Variants in CA6 observed in about 807,000 individuals in gnomAD.
CA6 encodes the protein carbonic anhydrase 6.
CA6 carries 28 observed loss-of-function variants against 35.9 expected under a neutral mutation model. That is an observed-to-expected ratio of 0.78 (90% confidence interval 0.58 to 1.07). The LOEUF (loss-of-function observed/expected upper bound fraction) is 1.07. Ranked by LOEUF, CA6 falls within the 50% of genes least tolerant of loss-of-function variation. The probability of loss-of-function intolerance (pLI) is 0.00; values close to 1 mark genes in which losing one functional copy is unlikely to be tolerated. For synonymous variants in CA6, 148 were observed against 152.6 expected (o/e 0.97, Z 0.22); for missense variants, 377 against 382.0 (o/e 0.99, Z 0.11).
intron 3 of CA6, among the ~76,000 whole-genome samples, chr1:8,958,051 G>T (rs1210944337): frequency 6.6e-6 from 1 of 152,212 alleles, no homozygotes; most frequent in East Asian, 1.9e-4. Flanking sequence ...TCACCACTTT[G>T]TGACAGGGGT....
chr1:8,955,221 T>C (rs72860984), intron 2 of CA6, among the ~76,000 whole-genome samples: 9,351 of 152,094 alleles, frequency 0.061, 961 homozygotes, highest in African/African-American at 0.21. Context: ...CAAATAAACT[T>C]AAAAATTAGC....
At chr1:8,955,239 G>A (rs1301352878) in intron 2 of CA6, among the ~76,000 whole-genome samples, 1 of 152,158 alleles carries the variant, frequency 6.6e-6, no homozygotes, top group Non-Finnish European at 1.5e-5. Context: ...AGCTGGACAT[G>A]GTGGTGTGTG....
intron 2 of CA6, among the ~76,000 whole-genome samples, chr1:8,955,336 A>G (rs570048509): frequency 2.0e-5 from 3 of 152,290 alleles, no homozygotes; most frequent in Non-Finnish European, 4.4e-5. Context: ...AGGTCATGCC[A>G]CTGCACTCCA....
intron 6 of CA6, among the ~76,000 whole-genome samples, chr1:8,970,408 G>A (rs934213983): frequency 6.6e-6 from 1 of 152,118 alleles, no homozygotes; most frequent in African/African-American, 2.4e-5. Flanking sequence ...AATAATGCCT[G>A]AGACACAGCA....
intron 2 of CA6, chr1:8,951,767 G>T: frequency 1.4e-6 from 1 of 697,446 alleles, no homozygotes; most frequent in South Asian, 1.6e-5. Context: ...TCACACGACA[G>T]CATGTCGGAC....
intron 7 of CA6, among the ~76,000 whole-genome samples, chr1:8,973,736 CT>C (rs1488530647): frequency 0.054 from 1,163 of 21,672 alleles, 52 homozygotes; most frequent in African/African-American, 0.23. Context: ...TTCTTTCTTT[CT>C]TTCTTTCTTT....
chr1:8,957,376 T>C, intron 3 of CA6, 91 bp downstream of exon 3: 1 of 1,325,604 alleles, frequency 7.5e-7, no homozygotes, highest in East Asian at 2.4e-5. Context: ...AGTCTCGCTC[T>C]GTTGCCCCGG....
At chr1:8,968,947 C>T (rs550545737) in intron 6 of CA6, among the ~76,000 whole-genome samples, 2 of 151,116 alleles carry the variant, frequency 1.3e-5, no homozygotes, top group South Asian at 2.1e-4. Context: ...GAACCTGGGA[C>T]GTGGAGGTTG....
At position 8,967,749 on chromosome 1, in the gene CA6, C is replaced by T. The variant is rs750061032; in HGVS notation, c.662C>T (p.Thr221Met). ...HYYTYHGSLT[T>M]PPCTENVHWF... The stretch of plus-strand genomic sequence containing the variant: ...TACACCTACCATGGCTCACTCACCA[C>T]GCCTCCCTGCACTGAGAACGTCCAC... The change falls in exon 6 of 8, where the codon ACG becomes ATG. Residue 221 changes from threonine (T) to methionine (M), a missense_variant. By Grantham distance (81) the Thr-to-Met change is moderately conservative. Transcript: ENST00000377443. 1.2e-5 allele frequency: 20 copies of T among 1,613,958 alleles called. No homozygotes were observed. Among genetic ancestry groups the T allele is most frequent in the East Asian group, 4.5e-5 (2 of 44,892 alleles).
In CA6 at chr1:8,954,641, C is replaced by T. The variant is rs566083229; in HGVS notation, c.260-2496C>T. 4.6e-5 allele frequency among the ~76,000 whole-genome samples: 7 copies of T among 152,344 alleles called. No homozygotes were observed. In the South Asian group the frequency reaches 1.4e-3, roughly 32 times the overall value. On this transcript the variant is annotated intron_variant, in intron 2 of 7. Transcript: ENST00000377443. Reference sequence around the variant, plus strand: ...TTGAGATAGTATTAAGTCTTCCTATCTGTGAACATGGAATATTTCTCCACT... The same window carrying T: ...TTGAGATAGTATTAAGTCTTCCTATTTGTGAACATGGAATATTTCTCCACT...
rs764808355 is a variant in CA6, at chr1:8,973,777, T to TTTC, written c.845-842_845-840dup. 5.9e-4 allele frequency among the ~76,000 whole-genome samples: 30 copies of TTTC among 50,514 alleles called. 5 individuals carry two copies. Among genetic ancestry groups the TTTC allele is most frequent in the African/African-American group, 1.1e-3 (11 of 9,934 alleles). The allele number at this position is 50,514 out of a possible 152,430, so 33.1% of individuals were successfully genotyped here. The stretch of plus-strand genomic sequence containing the variant: ...CTTTCTTTCTTTCTTTCTTTCTTTC[T>TTTC]TTCTTTCTTTTCCCTCCCTCCCTCT... On this transcript the variant is annotated intron_variant, in intron 7 of 7. Coordinates refer to ENST00000377443, the MANE Select transcript of CA6 (RefSeq NM_001215.4).
At chr1:8,956,003 A>G (rs1639668382) in intron 2 of CA6, among the ~76,000 whole-genome samples, 1 of 152,144 alleles carries the variant, frequency 6.6e-6, no homozygotes, top group African/African-American at 2.4e-5. Context: ...AGGTTGGATC[A>G]CTTGAGGTCA....
chr1:8,969,017 C>CAA lies in CA6; in HGVS notation c.729+1213_729+1214dup, dbSNP rs200268685. ...TGGGCAACAGAGCAAAACCCTGTCT[C>CAA]AAAAAAAAAAAAAGTTTGCTGGGCA... is the stretch of plus-strand genomic sequence containing the variant. On this transcript the variant is annotated intron_variant, in intron 6 of 7. Transcript: ENST00000377443. 6.9e-4 allele frequency among the ~76,000 whole-genome samples: 95 copies of CAA among 137,974 alleles called. 1 individual carries two copies. The highest frequency in any genetic ancestry group is 2.4e-3 in the African/African-American group (89 of 37,650). The allele number at this position is 137,974 out of a possible 152,430, so 90.5% of individuals were successfully genotyped here. A position where few individuals can be genotyped will look rare whatever the true frequency, so the allele number is the denominator to read the frequency against.
intron 2 of CA6, among the ~76,000 whole-genome samples, chr1:8,956,848 T>A (rs1160862902): frequency 6.6e-6 from 1 of 152,206 alleles, no homozygotes; most frequent in Non-Finnish European, 1.5e-5. Context: ...CACTGTGTGG[T>A]CCTGCCTCTG....
At chr1:8,949,923 A>C (rs1639479767) in intron 2 of CA6, among the ~76,000 whole-genome samples, 1 of 152,138 alleles carries the variant, frequency 6.6e-6, no homozygotes, top group Admixed American at 6.5e-5. Flanking sequence ...AAGGTCAGAC[A>C]GAAAAAGCAG....
At position 8,949,421 on chromosome 1, in the gene CA6, A is replaced by G; in HGVS notation, c.238A>G (p.Met80Val). 6.2e-7 allele frequency: 1 copy of G among 1,612,846 alleles called. No individual in the cohort carries two copies. The highest frequency in any genetic ancestry group is 8.5e-7 in the Non-Finnish European group (1 of 1,179,390). ...TGAGACCCAGGCAGGGGAGTTCCCCATGGTCAACAATGGCCACACAGGTAA... is the reference window on the plus strand; with the variant it reads ...TGAGACCCAGGCAGGGGAGTTCCCCGTGGTCAACAATGGCCACACAGGTAA... ...GYETQAGEFP[M>V]VNNGHTVQIS... The change falls in exon 2 of 8, where the codon ATG (methionine) becomes GTG (valine). Residue 80 changes from methionine to valine, a missense_variant. Met to Val is a conservative substitution (Grantham distance 21, BLOSUM62 1). Coordinates refer to ENST00000377443, the MANE Select transcript of CA6 (RefSeq NM_001215.4).
At chr1:8,967,011 C>T (rs1270045406) in intron 5 of CA6, among the ~76,000 whole-genome samples, 3 of 151,950 alleles carry the variant, frequency 2.0e-5, no homozygotes, top group Non-Finnish European at 4.4e-5. Context: ...ATTGTAGAGA[C>T]GGGGCCTCCC....
At position 8,949,449 on chromosome 1, in the gene CA6, G is replaced by A; in HGVS notation, c.259+7G>A. The A allele has an allele frequency of 1.9e-6, 3 of 1,609,622 alleles. No individual in the cohort carries two copies. Among genetic ancestry groups the A allele is most frequent in the Non-Finnish European group, 2.5e-6 (3 of 1,177,678 alleles). On this transcript the variant is annotated splice_region_variant and intron_variant, in intron 2 of 7. Coordinates refer to ENST00000377443, the MANE Select transcript of CA6 (RefSeq NM_001215.4). ...GTCAACAATGGCCACACAGGTAAGAGGAAGGGGTGGTGAGGGGCTCCAGTC... is the reference window on the plus strand; with the variant it reads ...GTCAACAATGGCCACACAGGTAAGAAGAAGGGGTGGTGAGGGGCTCCAGTC...
intron 2 of CA6, among the ~76,000 whole-genome samples, chr1:8,950,834 C>A (rs1639510949): frequency 6.6e-6 from 1 of 151,478 alleles, no homozygotes; most frequent in Non-Finnish European, 1.5e-5. Flanking sequence ...CCACTGTACT[C>A]CACCCTGGGC....
Sources: gnomAD v4.1 joint callset for allele counts (sites outside exome capture counted in the v4.1 genomes callset) on GRCh38, gnomAD v4.1.1 for gene constraint, MANE v1.5 for transcripts, NCBI Gene and HGNC (gene_info 2026-07-23, HGNC 2026-07-21) for gene names.